Variants in CHRNA7 observed in about 807,000 individuals in gnomAD.
The protein encoded by CHRNA7 is cholinergic receptor nicotinic alpha 7 subunit, also known as neuronal acetylcholine receptor subunit alpha-7.
A neutral mutation model predicts 48.0 loss-of-function variants in CHRNA7; 17 were observed. The observed-to-expected ratio is 0.35, with a 90% CI of 0.24 to 0.53. The LOEUF (loss-of-function observed/expected upper bound fraction) is 0.53, where lower values mean the gene tolerates loss of function less well. Ranked by LOEUF, CHRNA7 falls within the 20% of genes least tolerant of loss-of-function variation. The probability of loss-of-function intolerance (pLI) is 0.92; values close to 1 mark genes in which losing one functional copy is unlikely to be tolerated. For missense variants in CHRNA7, 155 were observed against 577.7 expected, an observed-to-expected ratio of 0.27 and a Z score of 7.50; for synonymous variants, 75 against 242.3, an observed-to-expected ratio of 0.31 and a Z score of 6.41.
At chr15:32,112,498 A>G (rs897974224) in intron 4 of CHRNA7, 33 of 361,500 alleles carry the variant, frequency 9.1e-5, no homozygotes, top group South Asian at 2.5e-4. Context: ...TCTGACTTGC[A>G]GACCAGATGC....
At chr15:32,043,332 T>C (rs2049481186) in intron 2 of CHRNA7, among the ~76,000 whole-genome samples, 1 of 152,110 alleles carries the variant, frequency 6.6e-6, no homozygotes, top group Non-Finnish European at 1.5e-5. Flanking sequence ...TTGATAATCT[T>C]TGTATTTTAG....
At chr15:32,075,159 T>G (rs1226048144) in intron 2 of CHRNA7, among the ~76,000 whole-genome samples, 1 of 152,196 alleles carries the variant, frequency 6.6e-6, no homozygotes, top group African/African-American at 2.4e-5. Context: ...CTATGAGAGA[T>G]ATTCATCTAT....
At chr15:32,115,076 G>A (rs982028898) in intron 4 of CHRNA7, among the ~76,000 whole-genome samples, 1 of 152,240 alleles carries the variant, frequency 6.6e-6, no homozygotes, top group Admixed American at 6.5e-5. Context: ...GGACTCTTAA[G>A]GACTGAGCGT....
intron 4 of CHRNA7, among the ~76,000 whole-genome samples, chr15:32,120,792 G>A (rs2050955579): frequency 6.6e-6 from 1 of 152,118 alleles, no homozygotes; most frequent in Non-Finnish European, 1.5e-5. Flanking sequence ...CCAAGAGCAC[G>A]GCTTTTGGAG....
At chr15:32,056,601 T>A (rs560550310) in intron 2 of CHRNA7, among the ~76,000 whole-genome samples, 1 of 152,264 alleles carries the variant, frequency 6.6e-6, no homozygotes, top group Non-Finnish European at 1.5e-5. Flanking sequence ...AATGTTGACA[T>A]CACACACATT....
chr15:32,056,162 G>A (rs150127837), intron 2 of CHRNA7, among the ~76,000 whole-genome samples: 209 of 152,258 alleles, frequency 1.4e-3, no homozygotes, highest in African/African-American at 4.6e-3. Context: ...TAATTTTAGT[G>A]TGGCCTAGTT....
intron 2 of CHRNA7, among the ~76,000 whole-genome samples, chr15:32,046,698 CT>C (rs201386920): frequency 0.28 from 41,952 of 151,486 alleles, 7,347 homozygotes; most frequent in East Asian, 0.6. Flanking sequence ...TCAATTTTGG[CT>C]TTTGTTGCCA....
chr15:32,066,392 C>G (rs909783937), intron 2 of CHRNA7, among the ~76,000 whole-genome samples: 2 of 151,814 alleles, frequency 1.3e-5, no homozygotes, highest in Non-Finnish European at 2.9e-5. Flanking sequence ...AGCCATTCTT[C>G]TGCCTCAGCC....
At chr15:32,031,070 C>A (rs75349629) in intron 2 of CHRNA7, 33 bp downstream of exon 2, 6 of 1,612,046 alleles carry the variant, frequency 3.7e-6, no homozygotes, top group Non-Finnish European at 5.1e-6. Flanking sequence ...GCTGCCCTCT[C>A]CCCTTCCTGG....
chr15:32,144,432 T>C (rs1360023907), intron 4 of CHRNA7, among the ~76,000 whole-genome samples: 2 of 152,216 alleles, frequency 1.3e-5, no homozygotes, highest in African/African-American at 2.4e-5. Context: ...TGTGGTGTTC[T>C]CTGTATTTCC....
At chr15:32,158,289 C>CCGTTT in intron 6 of CHRNA7, 123 bp from the exon 7 acceptor site, 1 of 522,138 alleles carries the variant, frequency 1.9e-6, no homozygotes, top group Non-Finnish European at 2.7e-6. Flanking sequence ...CAACCCCCCC[C>CCGTTT]TTTTTTTTTT....
intron 2 of CHRNA7, among the ~76,000 whole-genome samples, chr15:32,053,865 G>T (rs938784694): frequency 5.9e-5 from 9 of 152,212 alleles, no homozygotes; most frequent in Non-Finnish European, 1.2e-4. Context: ...TCAGCTCGTA[G>T]GTGTAGGAGC....
chr15:32,133,361 A>G (rs1430070627), intron 4 of CHRNA7, among the ~76,000 whole-genome samples: 1 of 152,224 alleles, frequency 6.6e-6, no homozygotes, highest in Non-Finnish European at 1.5e-5. Flanking sequence ...GTTAGAAGGA[A>G]TGCCCAGGCT....
At chr15:32,049,838 C>G (rs2049632021) in intron 2 of CHRNA7, among the ~76,000 whole-genome samples, 4 of 152,012 alleles carry the variant, frequency 2.6e-5, no homozygotes, top group Admixed American at 1.3e-4. Context: ...TTAGGGCAGG[C>G]CTGGTGGTGA....
intron 4 of CHRNA7, among the ~76,000 whole-genome samples, chr15:32,144,471 G>A (rs2051446142): frequency 1.3e-5 from 2 of 152,178 alleles, no homozygotes; most frequent in South Asian, 4.1e-4. Context: ...TGCCTTGCTA[G>A]GTTGGGGAAG....
chr15:32,081,729 C>T (rs2050218508), intron 2 of CHRNA7, among the ~76,000 whole-genome samples: 1 of 152,058 alleles, frequency 6.6e-6, no homozygotes, highest in South Asian at 2.1e-4. Context: ...ATACTTTTTC[C>T]TTCAACCAAC....
At position 32,043,246 on chromosome 15, in the gene CHRNA7, A is replaced by AT. The variant is rs960667146; in HGVS notation, c.195+12213dup. Among the ~76,000 whole-genome samples, 4 of 4,712 alleles carry AT rather than the reference A, an allele frequency of 8.5e-4. No individual in the cohort carries two copies. In the Non-Finnish European group the frequency reaches 0.043, roughly 51 times the overall value. 3.1% of individuals were successfully genotyped at this position (4,712 alleles called of 152,430 possible). ...ATATTCCTTTTGTAATTTAAAAACC[A>AT]TTTTAAAAATGTGTTTAAATGATTT... On this transcript the variant is annotated intron_variant, in intron 2 of 9. Transcript: ENST00000306901.
intron 4 of CHRNA7, among the ~76,000 whole-genome samples, chr15:32,141,718 C>T (rs1296929560): frequency 2.6e-5 from 4 of 152,154 alleles, no homozygotes; most frequent in African/African-American, 9.7e-5. Flanking sequence ...ATTTGGTTCT[C>T]TGTTTGTCTG....
chr15:32,122,936 G>T (rs1595472876), intron 4 of CHRNA7, among the ~76,000 whole-genome samples: 1 of 151,332 alleles, frequency 6.6e-6, no homozygotes, highest in African/African-American at 2.4e-5. Flanking sequence ...CCTAGTAGAG[G>T]ACTACTTTCA....
Sources: allele counts gnomAD v4.1 joint callset (sites outside exome capture counted in the v4.1 genomes callset), GRCh38; gene constraint gnomAD v4.1.1; transcripts MANE v1.5; gene names NCBI Gene and HGNC (gene_info 2026-07-23, HGNC 2026-07-21).